Variants in RASA2 observed in about 807,000 individuals in gnomAD.
RASA2 encodes RAS p21 protein activator 2, also known as ras GTPase-activating protein 2.
In RASA2, 155 loss-of-function variants were observed where a neutral mutation model predicts 118.2. The ratio of observed to expected loss-of-function variants is 1.31; its 90% CI spans 1.15 to 1.50. The LOEUF is 1.50. Among genes scored for constraint, RASA2 ranks in the 40% most tolerant of loss-of-function variants. RASA2 has a pLI of 0.00. For missense variants in RASA2, 1,016 were observed against 1,009.6 expected, an observed-to-expected ratio of 1.01 and a Z score of -0.09; for synonymous variants, 353 against 349.1, an observed-to-expected ratio of 1.01 and a Z score of -0.12.
In RASA2 at chr3:141,573,237, AT is replaced by A; in HGVS notation, c.1359+18del. On this transcript the variant is annotated intron_variant, in intron 13 of 23. Transcript: ENST00000286364. ...AAATAATAAGGTAAGTCCTTGTTAT[AT>A]TATTTATAATTGCATTAAAATTGGT... is the stretch of plus-strand genomic sequence containing the variant. 1 of 1,530,246 alleles carries A rather than the reference AT, an allele frequency of 6.5e-7. No homozygotes were observed. Among genetic ancestry groups the A allele is most frequent in the African/African-American group, 1.4e-5 (1 of 69,030 alleles). 94.8% of individuals were successfully genotyped at this position (1,530,246 alleles called of 1,614,324 possible). A position where few individuals can be genotyped will look rare whatever the true frequency, so the allele number is the denominator to read the frequency against.
chr3:141,528,572 G>A (rs955633827), intron 3 of RASA2, among the ~76,000 whole-genome samples: 2 of 151,750 alleles, frequency 1.3e-5, no homozygotes, highest in African/African-American at 2.4e-5. Flanking sequence ...TGGCTTGGGT[G>A]AATTAAAATA....
At chr3:141,612,088 ACTTTAT>A (rs1391006974) in intron 23 of RASA2, among the ~76,000 whole-genome samples, 189 bp from the exon 24 acceptor site, 23 of 152,102 alleles carry the variant, frequency 1.5e-4, no homozygotes, top group African/African-American at 3.4e-4. Context: ...TTTGTTTACT[ACTTTAT>A]CTTTAAGTTC....
intron 1 of RASA2, among the ~76,000 whole-genome samples, chr3:141,499,847 C>T (rs2081753603): frequency 6.6e-6 from 1 of 152,186 alleles, no homozygotes; most frequent in African/African-American, 2.4e-5. Flanking sequence ...CCTCGGCCTC[C>T]CAAAGTGCTG....
chr3:141,543,876 C>CTTTTTTTTTTTTTTTTTTTT (rs529631210), intron 5 of RASA2, among the ~76,000 whole-genome samples: 26 of 117,316 alleles, frequency 2.2e-4, no homozygotes, highest in South Asian at 5.6e-4. Flanking sequence ...TTTCTTTTTT[C>CTTTTTTTTTTTTTTTTTTTT]TTTTTTTTTT....
At chr3:141,583,789 GAGCCTC>G (rs2083154889) in intron 17 of RASA2, among the ~76,000 whole-genome samples, 1 of 152,192 alleles carries the variant, frequency 6.6e-6, no homozygotes, top group Admixed American at 6.5e-5. Flanking sequence ...ATAGGCACTG[GAGCCTC>G]AATACTATCC....
intron 1 of RASA2, among the ~76,000 whole-genome samples, chr3:141,510,554 C>T (rs1300502402): frequency 1.3e-5 from 2 of 152,166 alleles, no homozygotes. Context: ...AGATAATCAT[C>T]AGTGCTATCA....
intron 11 of RASA2, among the ~76,000 whole-genome samples, chr3:141,572,053 TATATATATAC>T (rs1460679304): frequency 6.7e-4 from 89 of 133,694 alleles, no homozygotes; most frequent in African/African-American, 2.3e-3. Flanking sequence ...TATATATATA[TATATATATAC>T]ACACACACAC....
chr3:141,556,713 G>A (rs1416791496), intron 7 of RASA2, among the ~76,000 whole-genome samples: 2 of 148,834 alleles, frequency 1.3e-5, no homozygotes, highest in Non-Finnish European at 3.0e-5. Flanking sequence ...GTGTAGGGAA[G>A]GTTTGAAAAA....
At chr3:141,597,653 AG>A (rs1474189401) in intron 19 of RASA2, among the ~76,000 whole-genome samples, 1 of 152,230 alleles carries the variant, frequency 6.6e-6, no homozygotes, top group African/African-American at 2.4e-5. Flanking sequence ...AAAAAAAGAA[AG>A]GATAAAATCA....
At position 141,573,149 on chromosome 3, in the gene RASA2, A is replaced by G; in HGVS notation, c.1287A>G (p.Ile429Met). ...TAACTGAAAAATTTATTTTTCAGAT[A>G]TGTGACTCCTCAAAATCCTGTGAAA... ...KVTLKPILDE[I>M]CDSSKSCEID... The change falls in exon 13 of 24, where the codon ATA becomes ATG. Residue 429 changes from isoleucine to methionine, a missense_variant and splice_region_variant. Ile to Met is a conservative substitution (Grantham distance 10). This residue lies in a region of RASA2 where 896 missense variants were observed against 836.4 expected (regional missense o/e 1.07). Coordinates refer to ENST00000286364, the MANE Select transcript of RASA2 (RefSeq NM_006506.5). The G allele has an allele frequency of 1.9e-6, 3 of 1,554,282 alleles. No individual in the cohort carries two copies. Among genetic ancestry groups the G allele is most frequent in the East Asian group, 2.4e-5 (1 of 41,808 alleles).
chr3:141,571,602 G>T, intron 11 of RASA2, 48 bp downstream of exon 11: 1 of 1,543,124 alleles, frequency 6.5e-7, no homozygotes, highest in Non-Finnish European at 8.8e-7. Context: ...GTTGAAATTG[G>T]ACCTTAGTTT....
At chr3:141,599,603 T>C (rs1049183086) in intron 19 of RASA2, among the ~76,000 whole-genome samples, 3 of 152,084 alleles carry the variant, frequency 2.0e-5, no homozygotes, top group African/African-American at 7.2e-5. Flanking sequence ...AGACAGGAGG[T>C]ATAAGTGAAT....
At chr3:141,532,848 T>C (rs962129309) in intron 4 of RASA2, among the ~76,000 whole-genome samples, 3 of 152,178 alleles carry the variant, frequency 2.0e-5, no homozygotes, top group African/African-American at 7.2e-5. Context: ...ATTTCTTATA[T>C]TCCTATGTTC....
intron 4 of RASA2, among the ~76,000 whole-genome samples, chr3:141,537,409 T>C (rs1365054645): frequency 2.0e-5 from 3 of 152,234 alleles, no homozygotes; most frequent in Non-Finnish European, 4.4e-5. Flanking sequence ...AACTTTTTTA[T>C]TTCATTCATT....
chr3:141,515,621 G>A (rs1265012988), intron 2 of RASA2, among the ~76,000 whole-genome samples: 1 of 151,964 alleles, frequency 6.6e-6, no homozygotes, highest in Non-Finnish European at 1.5e-5. Context: ...ATATTATTTG[G>A]CCAGGAACAT....
At position 141,573,991 on chromosome 3, in the gene RASA2, A is replaced by G. The variant is rs1475684830; in HGVS notation, c.1407A>G (p.Lys469=). Reference sequence around the variant, plus strand: ...ACAAGTTATTCAATACAATTGTAAAATCAAGTATGAGCTGCCCCACTGTAA... The same window carrying G: ...ACAAGTTATTCAATACAATTGTAAAGTCAAGTATGAGCTGCCCCACTGTAA... ...YVDKLFNTIV[K]SSMSCPTVMC... is the part of the protein sequence containing the mutation. The change falls in exon 14 of 24, where the codon AAA becomes AAG. Residue 469 remains lysine, a synonymous_variant. Coordinates refer to ENST00000286364, the MANE Select transcript of RASA2 (RefSeq NM_006506.5). 3 of 1,590,604 alleles carry G rather than the reference A, an allele frequency of 1.9e-6. No homozygotes were observed. The highest frequency in any genetic ancestry group is 1.7e-5 in the Admixed American group (1 of 58,732).
intron 3 of RASA2, among the ~76,000 whole-genome samples, chr3:141,522,964 A>G (rs995972260): frequency 6.6e-6 from 1 of 152,134 alleles, no homozygotes; most frequent in African/African-American, 2.4e-5. Flanking sequence ...CTGAGTCTGC[A>G]GGGCCTGTTC....
chr3:141,555,055 A>G (rs2082628382), intron 6 of RASA2, among the ~76,000 whole-genome samples: 2 of 152,300 alleles, frequency 1.3e-5, no homozygotes, highest in South Asian at 2.1e-4. Context: ...TGAGGTCAGG[A>G]GTTCGAGATC....
chr3:141,561,244 G>C (rs2082725604), intron 9 of RASA2, among the ~76,000 whole-genome samples: 1 of 152,080 alleles, frequency 6.6e-6, no homozygotes, highest in African/African-American at 2.4e-5. Context: ...TTATGTGCCA[G>C]ACCACTCAGT....
Sources: gnomAD v4.1 joint callset for allele counts (sites outside exome capture counted in the v4.1 genomes callset) on GRCh38, gnomAD v4.1.1 for gene constraint, gnomAD v4.1.1 regional missense constraint, MANE v1.5 for transcripts, NCBI Gene and HGNC (gene_info 2026-07-23, HGNC 2026-07-21) for gene names.